BCAS4: variants seen among roughly 807,000 people sequenced by gnomAD.
BCAS4 encodes breast carcinoma-amplified sequence 4.
A neutral mutation model predicts 15.7 loss-of-function variants in BCAS4; 9 were observed. That is an observed-to-expected ratio of 0.57 (90% CI 0.34 to 1.00). BCAS4 has a LOEUF of 1.00. Ranked by LOEUF, BCAS4 falls within the 50% of genes least tolerant of loss-of-function variation. BCAS4 has a pLI of 0.02. For missense variants in BCAS4, 225 were observed against 239.1 expected, an observed-to-expected ratio of 0.94 and a Z score of 0.39; for synonymous variants, 101 against 99.5, an observed-to-expected ratio of 1.02 and a Z score of -0.09.
chr20:50,811,101 G>A (rs1223792934), intron 1 of BCAS4, among the ~76,000 whole-genome samples: 1 of 152,154 alleles, frequency 6.6e-6, no homozygotes, highest in Non-Finnish European at 1.5e-5. Context: ...GGGTGGGGAC[G>A]AGCAACAGGC....
At chr20:50,821,129 G>A (rs2088210088) in intron 2 of BCAS4, among the ~76,000 whole-genome samples, 1 of 152,180 alleles carries the variant, frequency 6.6e-6, no homozygotes, top group South Asian at 2.1e-4. Context: ...GAGCCTTCCT[G>A]ACTCCACAGC....
chr20:50,824,739 G>A (rs2088257653), intron 2 of BCAS4, among the ~76,000 whole-genome samples: 1 of 152,288 alleles, frequency 6.6e-6, no homozygotes, highest in South Asian at 2.1e-4. Flanking sequence ...AACAAAAGTG[G>A]CAGCTGCCAC....
At chr20:50,830,528 G>A in intron 3 of BCAS4, 148 bp downstream of exon 3, 4 of 619,112 alleles carry the variant, frequency 6.5e-6, no homozygotes, top group African/African-American at 1.9e-5. Context: ...CTGCACTCAA[G>A]TGATATTTCA....
At position 50,851,898 on chromosome 20, in the gene BCAS4, C is replaced by T. The variant is rs1000689320; in HGVS notation, c.399+9998C>T. Among the ~76,000 whole-genome samples, 4 of 152,232 alleles carry T rather than the reference C, an allele frequency of 2.6e-5. No homozygotes were observed. Among genetic ancestry groups the T allele is most frequent in the African/African-American group, 7.2e-5 (3 of 41,458 alleles). ...ACCCAAACCCTCGTTCATTGCCTGG[C>T]GGGCACATGGCCTCATCTGCATTTT... On this transcript the variant is annotated intron_variant, in intron 4 of 4. Coordinates refer to ENST00000371608, the MANE Select transcript of BCAS4 (RefSeq NM_198799.4). The surrounding 1 kb of genome is among the most constrained non-coding windows in gnomAD (Gnocchi z 4.3).
chr20:50,809,819 A>T (rs1193353970), intron 1 of BCAS4, among the ~76,000 whole-genome samples: 1 of 151,888 alleles, frequency 6.6e-6, no homozygotes, highest in Admixed American at 6.6e-5. Context: ...GAAGTCTTTC[A>T]CCTCCTGGGT....
chr20:50,811,603 G>C (rs997275526), intron 1 of BCAS4, among the ~76,000 whole-genome samples: 3 of 152,076 alleles, frequency 2.0e-5, no homozygotes, highest in African/African-American at 7.2e-5. Flanking sequence ...TGGATTTGCC[G>C]ATCTCTGGAC....
chr20:50,833,521 C>A (rs181272466), intron 3 of BCAS4, among the ~76,000 whole-genome samples: 41 of 152,336 alleles, frequency 2.7e-4, no homozygotes, highest in East Asian at 1.5e-3. Context: ...TCCAACCCCA[C>A]TCCCCAGCGT....
chr20:50,849,925 G>C (rs927298380), intron 4 of BCAS4, among the ~76,000 whole-genome samples: 1 of 152,208 alleles, frequency 6.6e-6, no homozygotes, highest in East Asian at 1.9e-4. Flanking sequence ...CCAGGAGTTC[G>C]AGACCAGCCT....
chr20:50,825,946 C>T (rs2088273198), intron 2 of BCAS4, among the ~76,000 whole-genome samples: 2 of 152,014 alleles, frequency 1.3e-5, no homozygotes, highest in South Asian at 4.2e-4. Flanking sequence ...TCTTTATTCC[C>T]AATTCTTTGG....
Position 50,854,254 on chromosome 20 carries a change from C to T in BCAS4, c.399+12354C>T, listed in dbSNP as rs181930535. 3.9e-4 allele frequency among the ~76,000 whole-genome samples: 60 copies of T among 152,184 alleles called. No homozygotes were observed. The Middle Eastern group carries it at 0.017, about 43-fold the overall frequency. ...GCCTTGGGAGAGTCTCAACCTCCCC[C>T]TCTGTGAAATGGGTGGCAGTTCTCC... On this transcript the variant is annotated intron_variant, in intron 4 of 4. Transcript: ENST00000371608.
At chr20:50,872,322 G>T (rs1259295102) in intron 4 of BCAS4, among the ~76,000 whole-genome samples, 1 of 142,442 alleles carries the variant, frequency 7.0e-6, no homozygotes, top group African/African-American at 2.7e-5. Context: ...TGTAATTCCA[G>T]CACTTTGGGA....
intron 2 of BCAS4, among the ~76,000 whole-genome samples, chr20:50,820,127 G>A (rs1052232277): frequency 6.6e-6 from 1 of 152,216 alleles, no homozygotes; most frequent in Admixed American, 6.5e-5. Flanking sequence ...GATTATAGGC[G>A]TGAGCCACCA....
intron 1 of BCAS4, among the ~76,000 whole-genome samples, chr20:50,798,339 G>T (rs2087891043): frequency 6.6e-6 from 1 of 151,766 alleles, no homozygotes; most frequent in Admixed American, 6.6e-5. Flanking sequence ...AATTAAAAAA[G>T]AAAAGAAACA....
intron 1 of BCAS4, among the ~76,000 whole-genome samples, chr20:50,803,817 AAAAG>A (rs1386833442): frequency 3.1e-3 from 464 of 151,892 alleles, no homozygotes; most frequent in African/African-American, 0.01. Context: ...AAAAAAAAAA[AAAAG>A]AGAGAGAAAA....
chr20:50,853,958 A>G lies in BCAS4; in HGVS notation c.399+12058A>G, dbSNP rs1038488772. 3.3e-5 allele frequency among the ~76,000 whole-genome samples: 5 copies of G among 152,102 alleles called. 1 individual carries two copies. The highest frequency in any genetic ancestry group is 4.8e-5 in the African/African-American group (2 of 41,386). Reference sequence around the variant, plus strand: ...CCCCGCAGTGTAACAACCAAAAAGGAGTCCATAAATTGCCAGCTGTCCCCG... The same window carrying G: ...CCCCGCAGTGTAACAACCAAAAAGGGGTCCATAAATTGCCAGCTGTCCCCG... On this transcript the variant is annotated intron_variant, in intron 4 of 4. Transcript: ENST00000371608.
chr20:50,860,033 A>G (rs1978990050), intron 4 of BCAS4, among the ~76,000 whole-genome samples: 1 of 152,072 alleles, frequency 6.6e-6, no homozygotes, highest in African/African-American at 2.4e-5. Context: ...GCATTTGGGA[A>G]GCTGAGGTAG....
intron 4 of BCAS4, among the ~76,000 whole-genome samples, chr20:50,845,225 C>T (rs6096119): frequency 0.054 from 8,140 of 152,032 alleles, 261 homozygotes; most frequent in Middle Eastern, 0.082. Context: ...ATGTCTGGGC[C>T]CAGAGCTGGT....
intron 1 of BCAS4, among the ~76,000 whole-genome samples, chr20:50,800,569 T>TC (rs1600842721): frequency 6.7e-6 from 1 of 149,028 alleles, no homozygotes; most frequent in East Asian, 1.9e-4. Flanking sequence ...CTTTTTTTTT[T>TC]TTTTTTTTTT....
intron 4 of BCAS4, among the ~76,000 whole-genome samples, chr20:50,862,604 A>C (rs1051016124): frequency 6.6e-6 from 1 of 152,132 alleles, no homozygotes; most frequent in Non-Finnish European, 1.5e-5. Context: ...GGGGAGTTTG[A>C]GAAGAGGCTG....
Sources: gnomAD v4.1 joint callset for allele counts (sites outside exome capture counted in the v4.1 genomes callset) on GRCh38, gnomAD v4.1.1 for gene constraint, Gnocchi (gnomAD v3.1) non-coding constraint, MANE v1.5 for transcripts, NCBI Gene and HGNC (gene_info 2026-07-23, HGNC 2026-07-21) for gene names.